PROS1: variants seen among roughly 807,000 people sequenced by gnomAD.
PROS1 encodes vitamin K-dependent protein S.
In PROS1, 29 loss-of-function variants were observed where a neutral mutation model predicts 75.9. The ratio of observed to expected loss-of-function variants is 0.38; its 90% confidence interval spans 0.28 to 0.52. The LOEUF is 0.52. Among genes scored for constraint, PROS1 ranks in the 20% least tolerant of loss-of-function variants. The pLI, the probability that PROS1 is intolerant of heterozygous loss-of-function variation, is 0.83. For missense variants in PROS1, 680 were observed against 810.3 expected, an observed-to-expected ratio of 0.84 and a Z score of 1.95; for synonymous variants, 245 against 280.6, an observed-to-expected ratio of 0.87 and a Z score of 1.27.
At chr3:93,902,661 G>A (rs1403899725) in intron 6 of PROS1, among the ~76,000 whole-genome samples, 2 of 151,514 alleles carry the variant, frequency 1.3e-5, no homozygotes, top group South Asian at 2.1e-4. Flanking sequence ...GCTGAGGCAG[G>A]AGAATCACTT....
At chr3:93,899,992 T>C (rs1708562613) in intron 7 of PROS1, among the ~76,000 whole-genome samples, 1 of 152,174 alleles carries the variant, frequency 6.6e-6, no homozygotes, top group Non-Finnish European at 1.5e-5. Context: ...TACATGTGTG[T>C]GAATATACAT....
At position 93,949,813 on chromosome 3, in the gene PROS1, C is replaced by T. The variant is rs190559727; in HGVS notation, c.77-22406G>A. On this transcript the variant is annotated intron_variant, in intron 1 of 14. Coordinates refer to ENST00000394236, the MANE Select transcript of PROS1 (RefSeq NM_000313.4). ...ATTTCTGCATTTCCAACTGAGGTAC[C>T]GGGTTCATGTCACTGGGACTTGTTG... is the stretch of plus-strand genomic sequence containing the variant. Among the ~76,000 whole-genome samples, 23 of 152,188 alleles carry T rather than the reference C, an allele frequency of 1.5e-4. No individual in the cohort carries two copies. In the South Asian group the frequency reaches 1.7e-3, roughly 11 times the overall value.
chr3:93,945,439 G>T (rs553936704), intron 1 of PROS1, among the ~76,000 whole-genome samples: 1 of 152,280 alleles, frequency 6.6e-6, no homozygotes, highest in South Asian at 2.1e-4. Flanking sequence ...GAATCCAGCA[G>T]CACATCAAAA....
At chr3:93,881,864 G>A (rs186805658) in intron 12 of PROS1, among the ~76,000 whole-genome samples, 121 of 152,058 alleles carry the variant, frequency 8.0e-4, no homozygotes, top group African/African-American at 2.5e-3. Flanking sequence ...ACCTTACCTC[G>A]CCCTTTTTAG....
At chr3:93,903,112 C>A (rs1355747283) in intron 6 of PROS1, among the ~76,000 whole-genome samples, 1 of 152,086 alleles carries the variant, frequency 6.6e-6, no homozygotes, top group African/African-American at 2.4e-5. Context: ...TGTTGATCCA[C>A]CCACCTCGGC....
At chr3:93,956,563 A>ACACACACAAACACAC (rs57080075) in intron 1 of PROS1, among the ~76,000 whole-genome samples, 1 of 128,306 alleles carries the variant, frequency 7.8e-6, no homozygotes, top group Non-Finnish European at 1.7e-5. Flanking sequence ...CACACACACA[A>ACACACACAAACACAC]ACACACACAC....
rs987702352 is a variant in PROS1 at position 93,973,871 on chromosome 3, A to C, written c.-122T>G. ...CTGAGCCGTGCTGCGCGGCGGCGCC[A>C]GCGACCCAGCGAGCCTCGGCGGAAC... is the stretch of plus-strand genomic sequence containing the variant. On this transcript the variant is annotated 5_prime_UTR_variant, in exon 1 of 15. Transcript: ENST00000394236. The C allele has an allele frequency of 5.5e-6, 4 of 721,302 alleles. No homozygotes were observed. In the African/African-American group the frequency reaches 7.6e-5, roughly 14 times the overall value. The allele number at this position is 721,302 out of a possible 1,614,324, so 44.7% of individuals were successfully genotyped here.
At chr3:93,910,594 T>C (rs1708745229) in intron 4 of PROS1, 25 bp downstream of exon 4, 3 of 1,584,188 alleles carry the variant, frequency 1.9e-6, no homozygotes, top group Non-Finnish European at 2.6e-6. Flanking sequence ...GTTTTGTTTT[T>C]TCAATTGATG....
intron 13 of PROS1, among the ~76,000 whole-genome samples, chr3:93,878,639 T>C (rs1040106389): frequency 1.3e-5 from 2 of 152,222 alleles, no homozygotes; most frequent in Non-Finnish European, 2.9e-5. Flanking sequence ...TAATTTCAAA[T>C]AAGAGTTGCC....
chr3:93,962,930 G>A (rs1039866428), intron 1 of PROS1, among the ~76,000 whole-genome samples: 4 of 152,230 alleles, frequency 2.6e-5, no homozygotes, highest in Non-Finnish European at 5.9e-5. Context: ...TACCACAGGA[G>A]TCGAAAGGCT....
chr3:93,948,030 G>A (rs1709433302), intron 1 of PROS1, among the ~76,000 whole-genome samples: 1 of 152,146 alleles, frequency 6.6e-6, no homozygotes, highest in South Asian at 2.1e-4. Context: ...TCCTGTTGGG[G>A]AAACAGATGT....
intron 10 of PROS1, among the ~76,000 whole-genome samples, chr3:93,891,629 C>T (rs1407198699): frequency 3.3e-5 from 5 of 152,080 alleles, no homozygotes; most frequent in East Asian, 3.9e-4. Flanking sequence ...AGGCTGCTCT[C>T]GAACTCCTGA....
At chr3:93,919,489 T>C (rs1307893340) in intron 3 of PROS1, among the ~76,000 whole-genome samples, 1 of 152,074 alleles carries the variant, frequency 6.6e-6, no homozygotes, top group Non-Finnish European at 1.5e-5. Flanking sequence ...AAAATAAACA[T>C]TTATAAATAT....
rs776693071 is a variant in PROS1 at position 93,905,884 on chromosome 3, T to C, written c.501A>G (p.Ile167Met). The change falls in exon 6 of 15, where the codon ATA (isoleucine) becomes ATG (methionine). Residue 167 changes from isoleucine (I) to methionine (M), a missense_variant. Physicochemically the swap from Ile to Met is conservative, Grantham distance 10. Coordinates refer to ENST00000394236, the MANE Select transcript of PROS1 (RefSeq NM_000313.4). ...DINECKDPSN[I>M]NGGCSQICDN... ...CACAAATTTGACTGCAACCTCCATT[T>C]ATATTTGAGGGATCTTTGCATTCAT... is the stretch of plus-strand genomic sequence containing the variant. 7 of 1,612,864 alleles carry C rather than the reference T, an allele frequency of 4.3e-6. No individual in the cohort carries two copies. In the South Asian group the frequency reaches 7.7e-5, roughly 18 times the overall value.
chr3:93,955,895 A>C (rs1344859023), intron 1 of PROS1, among the ~76,000 whole-genome samples: 1 of 152,182 alleles, frequency 6.6e-6, no homozygotes, highest in East Asian at 1.9e-4. Flanking sequence ...TACACTGATG[A>C]ATATGCACAA....
intron 12 of PROS1, among the ~76,000 whole-genome samples, chr3:93,882,931 C>T (rs1708293603): frequency 6.6e-6 from 1 of 152,156 alleles, no homozygotes; most frequent in Admixed American, 6.5e-5. Flanking sequence ...CATTAGGACA[C>T]ATATGAAGAC....
chr3:93,937,615 C>A (rs1409474227), intron 1 of PROS1, among the ~76,000 whole-genome samples: 1 of 152,080 alleles, frequency 6.6e-6, no homozygotes, highest in African/African-American at 2.4e-5. Context: ...GATCCGCCCA[C>A]CTCAGCCTCC....
intron 9 of PROS1, among the ~76,000 whole-genome samples, chr3:93,895,491 G>C (rs1421550749): frequency 1.3e-5 from 2 of 152,128 alleles, no homozygotes; most frequent in African/African-American, 4.8e-5. Context: ...AATTTTCAAT[G>C]TTTTTAATAA....
intron 1 of PROS1, among the ~76,000 whole-genome samples, chr3:93,927,850 C>CATACAT (rs1553814474): frequency 5.1e-5 from 6 of 117,796 alleles, no homozygotes; most frequent in Non-Finnish European, 1.0e-4. Context: ...AAAAAACAAA[C>CATACAT]ATATATATAT....
Sources: allele counts gnomAD v4.1 joint callset (sites outside exome capture counted in the v4.1 genomes callset), GRCh38; gene constraint gnomAD v4.1.1; transcripts MANE v1.5; gene names NCBI Gene and HGNC (gene_info 2026-07-23, HGNC 2026-07-21).